The following SIAH3 variants were observed in gnomAD, a reference collection of about 807,000 sequenced individuals.
SIAH3 encodes the protein siah E3 ubiquitin protein ligase family member 3.
Under a neutral mutation model 12.6 loss-of-function variants are expected in SIAH3, and 9 were observed. That is an observed-to-expected ratio of 0.72 (90% CI 0.43 to 1.25). The LOEUF (loss-of-function observed/expected upper bound fraction) is 1.25. Among genes scored for constraint, SIAH3 ranks in the 50% most tolerant of loss-of-function variants. SIAH3 has a pLI of 0.00. For missense variants in SIAH3, 390 were observed against 365.4 expected, an observed-to-expected ratio of 1.07 and a Z score of -0.55; for synonymous variants, 154 against 151.1, an observed-to-expected ratio of 1.02 and a Z score of -0.14.
At chr13:45,851,343 G>A (rs996748941) in intron 1 of SIAH3, 152 bp downstream of exon 1, 7 of 991,110 alleles carry the variant, frequency 7.1e-6, no homozygotes, top group Middle Eastern at 3.2e-4. Context: ...GCGAGAGTGA[G>A]CCGAGGCAAA....
intron 1 of SIAH3, among the ~76,000 whole-genome samples, chr13:45,790,484 T>A (rs1474587671): frequency 6.6e-6 from 1 of 152,214 alleles, no homozygotes; most frequent in Non-Finnish European, 1.5e-5. Context: ...AAAAAATACA[T>A]CTCAGAGATC....
At chr13:45,850,067 G>A (rs1313969687) in intron 1 of SIAH3, among the ~76,000 whole-genome samples, 1 of 152,236 alleles carries the variant, frequency 6.6e-6, no homozygotes. Context: ...ATAGTGGAAT[G>A]AGAGGCAAGA....
At chr13:45,841,345 G>A (rs907671983) in intron 1 of SIAH3, among the ~76,000 whole-genome samples, 2 of 152,154 alleles carry the variant, frequency 1.3e-5, no homozygotes, top group African/African-American at 4.8e-5. Flanking sequence ...CTAATGCCAA[G>A]CTAACCCTGC....
At chr13:45,812,683 C>T (rs1159221962) in intron 1 of SIAH3, among the ~76,000 whole-genome samples, 2 of 152,090 alleles carry the variant, frequency 1.3e-5, no homozygotes, top group African/African-American at 4.8e-5. Context: ...CAGACACACA[C>T]ACATGCTCAC....
At chr13:45,809,682 T>G (rs1950610036) in intron 1 of SIAH3, among the ~76,000 whole-genome samples, 1 of 152,230 alleles carries the variant, frequency 6.6e-6, no homozygotes, top group African/African-American at 2.4e-5. Context: ...TATGATTTAA[T>G]GCTTTTATAA....
intron 1 of SIAH3, among the ~76,000 whole-genome samples, chr13:45,831,953 C>T (rs1950700817): frequency 6.6e-6 from 1 of 152,182 alleles, no homozygotes; most frequent in Admixed American, 6.5e-5. Flanking sequence ...CCAGGGAATC[C>T]CACCTTGGTT....
intron 1 of SIAH3, among the ~76,000 whole-genome samples, chr13:45,817,981 C>G (rs1418202474): frequency 6.6e-6 from 1 of 152,164 alleles, no homozygotes; most frequent in African/African-American, 2.4e-5. Flanking sequence ...GCCTGCATCC[C>G]TTTTGTATTC....
In SIAH3 at chr13:45,845,824, A is replaced by C. The variant is rs887779096; in HGVS notation, c.135+5671T>G. ...CCCAAACTCATAGAAGGGGTGAGGG[A>C]GTGAGGAAGGATGATGACTTAGAAG... On this transcript the variant is annotated intron_variant, in intron 1 of 1. Transcript: ENST00000400405. Among the ~76,000 whole-genome samples the C allele has an allele frequency of 2.6e-4, 40 of 151,952 alleles. 1 individual carries two copies. Among genetic ancestry groups the C allele is most frequent in the Non-Finnish European group, 1.9e-4 (13 of 68,000 alleles).
intron 1 of SIAH3, among the ~76,000 whole-genome samples, chr13:45,838,686 G>A (rs543733507): frequency 1.3e-5 from 2 of 151,984 alleles, no homozygotes; most frequent in Non-Finnish European, 2.9e-5. Flanking sequence ...CAGTCTCTCC[G>A]GCGAGGCTTC....
chr13:45,838,988 C>T (rs17067275), intron 1 of SIAH3, among the ~76,000 whole-genome samples: 22,484 of 151,906 alleles, frequency 0.15, 2,933 homozygotes, highest in East Asian at 0.41. Flanking sequence ...TAAGGGGAAG[C>T]GTTTACCAGA....
chr13:45,841,819 G>C (rs892659201), intron 1 of SIAH3, among the ~76,000 whole-genome samples: 1 of 152,148 alleles, frequency 6.6e-6, no homozygotes, highest in African/African-American at 2.4e-5. Flanking sequence ...CTATATATTT[G>C]TGCCAGCGCT....
At chr13:45,843,172 C>T (rs1006085691) in intron 1 of SIAH3, among the ~76,000 whole-genome samples, 2 of 151,904 alleles carry the variant, frequency 1.3e-5, no homozygotes, top group Admixed American at 6.6e-5. Flanking sequence ...TCCTCGATTC[C>T]AGAGGCTGCA....
chr13:45,796,177 G>A (rs1950561945), intron 1 of SIAH3, among the ~76,000 whole-genome samples: 1 of 152,132 alleles, frequency 6.6e-6, no homozygotes, highest in Non-Finnish European at 1.5e-5. Context: ...ATATATATGT[G>A]TGTAAAAATT....
rs1950516789 is a variant in SIAH3 at position 45,784,016 on chromosome 13, C to T, written c.177G>A (p.Glu59=). ...SRRAVTQSAP[E]QGSFHPHHLS... ...GATGGTGAGGGTGGAAGCTGCCTTG[C>T]TCTGGAGCGCTCTGAGTGACGGCGC... is the stretch of plus-strand genomic sequence containing the variant. The change falls in exon 2 of 2, where the codon GAG becomes GAA. Residue 59 remains glutamate (E), a synonymous_variant. Transcript: ENST00000400405. 8.1e-6 allele frequency: 13 copies of T among 1,602,988 alleles called. No homozygotes were observed. Among genetic ancestry groups the T allele is most frequent in the Non-Finnish European group, 1.1e-5 (13 of 1,174,740 alleles).
intron 1 of SIAH3, among the ~76,000 whole-genome samples, chr13:45,793,861 G>A (rs1293243160): frequency 2.0e-5 from 3 of 152,228 alleles, no homozygotes; most frequent in Non-Finnish European, 4.4e-5. Context: ...CTAAGTTAAA[G>A]ACCTTGAGAT....
intron 1 of SIAH3, among the ~76,000 whole-genome samples, chr13:45,784,412 T>TTTTTTTTTTTTTTTTTG (rs1566085968): frequency 6.8e-6 from 1 of 146,934 alleles, no homozygotes; most frequent in Non-Finnish European, 1.5e-5. Flanking sequence ...TTTTTTTTTT[T>TTTTTTTTTTTTTTTTTG]TTTTTTTTTG....
At chr13:45,818,449 A>G (rs905853920) in intron 1 of SIAH3, among the ~76,000 whole-genome samples, 1 of 152,192 alleles carries the variant, frequency 6.6e-6, no homozygotes, top group Non-Finnish European at 1.5e-5. Flanking sequence ...GGCATAAAAA[A>G]CAGAAATTTA....
chr13:45,783,011 A>G lies in SIAH3; in HGVS notation c.*372T>C. The G allele has an allele frequency of 6.4e-6, 1 of 155,628 alleles. No individual in the cohort carries two copies. Among genetic ancestry groups the G allele is most frequent in the Non-Finnish European group, 1.4e-5 (1 of 70,412 alleles). 9.6% of individuals were successfully genotyped at this position (155,628 alleles called of 1,614,324 possible). On this transcript the variant is annotated 3_prime_UTR_variant, in exon 2 of 2. Coordinates refer to ENST00000400405, the MANE Select transcript of SIAH3 (RefSeq NM_198849.3). ...GAAACAAGAAATGATTCTCACACGA[A>G]GCCTCCTTTCAACCCCAACAGTCTG...
chr13:45,812,481 G>A (rs960224710), intron 1 of SIAH3, among the ~76,000 whole-genome samples: 6 of 152,072 alleles, frequency 3.9e-5, no homozygotes, highest in Non-Finnish European at 7.3e-5. Flanking sequence ...CTTTCCCTAA[G>A]GACTCAAGGA....
Sources: gnomAD v4.1 joint callset for allele counts (sites outside exome capture counted in the v4.1 genomes callset) on GRCh38, gnomAD v4.1.1 for gene constraint, MANE v1.5 for transcripts, NCBI Gene and HGNC (gene_info 2026-07-23, HGNC 2026-07-21) for gene names.